The following SLC35F3 variants were observed in gnomAD, a reference collection of about 807,000 sequenced individuals.
SLC35F3 encodes the protein putative thiamine transporter SLC35F3.
In SLC35F3, 25 loss-of-function variants were observed where a neutral mutation model predicts 49.9. The observed-to-expected ratio is 0.50, with a 90% CI of 0.37 to 0.70. The LOEUF (loss-of-function observed/expected upper bound fraction) is 0.70, where lower values mean the gene tolerates loss of function less well. SLC35F3 is among the 30% of genes least tolerant of loss of function. The probability of loss-of-function intolerance (pLI) is 0.00; values close to 1 mark genes in which losing one functional copy is unlikely to be tolerated. For synonymous variants in SLC35F3, 275 were observed against 265.4 expected (o/e 1.04, Z -0.35); for missense variants, 525 against 639.8 (o/e 0.82, Z 1.94).
At chr1:234,259,220 T>C (rs753234474) in intron 3 of SLC35F3, among the ~76,000 whole-genome samples, 3 of 152,244 alleles carry the variant, frequency 2.0e-5, no homozygotes, top group African/African-American at 7.2e-5. Flanking sequence ...TCCTATTGTG[T>C]TAAATCTTCA....
In SLC35F3 at chr1:233,922,543, A is replaced by G. The variant is rs1020737897; in HGVS notation, c.283+16785A>G. ...TTTAAGTCCTTTGTAGATTCTGGAT[A>G]TTAGCCCTTTGTCAGATGGGTAGAT... On this transcript the variant is annotated intron_variant, in intron 2 of 7. Transcript: ENST00000366618. Among the ~76,000 whole-genome samples the G allele has an allele frequency of 1.0e-4, 12 of 115,574 alleles. No individual in the cohort carries two copies. In the Admixed American group the frequency reaches 1.3e-3, roughly 12 times the overall value. The allele number at this position is 115,574 out of a possible 152,430, so 75.8% of individuals were successfully genotyped here.
chr1:234,177,832 G>A (rs1372074337), intron 2 of SLC35F3, among the ~76,000 whole-genome samples: 1 of 152,184 alleles, frequency 6.6e-6, no homozygotes, highest in East Asian at 1.9e-4. Context: ...TTGACAAGCT[G>A]ACATCAAAAC....
intron 2 of SLC35F3, among the ~76,000 whole-genome samples, chr1:234,028,324 A>G (rs1403481030): frequency 6.6e-6 from 1 of 152,174 alleles, no homozygotes; most frequent in African/African-American, 2.4e-5. Context: ...CCATTAGGTG[A>G]TGATCTGGGG....
At chr1:234,114,848 CTTGAGATGCGGCGTGCAT>C (rs574875732) in intron 2 of SLC35F3, among the ~76,000 whole-genome samples, 9 of 152,058 alleles carry the variant, frequency 5.9e-5, no homozygotes, top group South Asian at 4.1e-4. Flanking sequence ...AACGGGTCAT[CTTGAGATGCGGCGTGCAT>C]TTGAGATGCG....
chr1:234,152,227 G>GTTA (rs61307533), intron 2 of SLC35F3, among the ~76,000 whole-genome samples: 10,613 of 144,518 alleles, frequency 0.073, 921 homozygotes, highest in African/African-American at 0.22. Context: ...TATTATTATT[G>GTTA]TTATTATTAT....
intron 2 of SLC35F3, among the ~76,000 whole-genome samples, chr1:234,134,749 T>C (rs1176448812): frequency 6.6e-6 from 1 of 152,100 alleles, no homozygotes; most frequent in African/African-American, 2.4e-5. Context: ...TTTGAGACAG[T>C]CTCGCTCTGT....
At chr1:234,267,316 T>G (rs925340646) in intron 3 of SLC35F3, among the ~76,000 whole-genome samples, 1 of 134,128 alleles carries the variant, frequency 7.5e-6, no homozygotes, top group Non-Finnish European at 1.6e-5. Flanking sequence ...ATTTCTCAAT[T>G]TTTTCCCCAC....
chr1:234,045,711 G>GTT (rs200387902), intron 2 of SLC35F3, among the ~76,000 whole-genome samples: 2 of 144,160 alleles, frequency 1.4e-5, no homozygotes, highest in African/African-American at 5.1e-5. Context: ...TCATTTTAAG[G>GTT]TTTTTTTTTT....
At chr1:234,030,652 A>G (rs1173980568) in intron 2 of SLC35F3, among the ~76,000 whole-genome samples, 1 of 152,248 alleles carries the variant, frequency 6.6e-6, no homozygotes, top group East Asian at 1.9e-4. Flanking sequence ...ATTAGGTTGG[A>G]TAGCATGAAA....
intron 2 of SLC35F3, among the ~76,000 whole-genome samples, chr1:234,065,689 T>C (rs1382360083): frequency 6.6e-6 from 1 of 152,244 alleles, no homozygotes; most frequent in Non-Finnish European, 1.5e-5. Context: ...AAACAGTATG[T>C]ATGACCTTTT....
intron 2 of SLC35F3, among the ~76,000 whole-genome samples, chr1:234,191,428 C>G (rs114883821): frequency 3.6e-4 from 55 of 152,174 alleles, no homozygotes; most frequent in Non-Finnish European, 6.8e-4. Flanking sequence ...ATCAAAACCT[C>G]TGGGATACAA....
intron 2 of SLC35F3, among the ~76,000 whole-genome samples, chr1:233,974,615 C>T (rs1350323113): frequency 6.6e-6 from 1 of 152,134 alleles, no homozygotes; most frequent in African/African-American, 2.4e-5. Context: ...TACTTTCTAC[C>T]CATTTGCTGT....
At position 234,214,508 on chromosome 1, in the gene SLC35F3, C is replaced by T; in HGVS notation, c.284-16909C>T. The T allele has an allele frequency of 1.3e-6, 2 of 1,542,290 alleles. No individual in the cohort carries two copies. Among genetic ancestry groups the T allele is most frequent in the Non-Finnish European group, 8.7e-7 (1 of 1,146,318 alleles). On this transcript the variant is annotated intron_variant, in intron 2 of 7. Transcript: ENST00000366618. The surrounding 1 kb of genome is among the most constrained non-coding windows in gnomAD (Gnocchi z 8.0). ...AGGCGGCCGGCTCATCATGAAGAAG[C>T]ACTCGGCCCGGGTGGCCCCGCTCAG...
chr1:234,202,656 G>T (rs1010482270), intron 2 of SLC35F3, among the ~76,000 whole-genome samples: 12 of 152,220 alleles, frequency 7.9e-5, no homozygotes, highest in African/African-American at 2.9e-4. Context: ...GGAGCCCTCC[G>T]CATTTCAAGC....
chr1:234,168,477 T>C (rs1038198882), intron 2 of SLC35F3, among the ~76,000 whole-genome samples: 10 of 152,360 alleles, frequency 6.6e-5, no homozygotes, highest in African/African-American at 2.4e-4. Context: ...GACCATCCTG[T>C]AAGTGTCATT....
intron 5 of SLC35F3, among the ~76,000 whole-genome samples, chr1:234,317,439 A>G (rs1657518806): frequency 6.6e-6 from 1 of 151,716 alleles, no homozygotes; most frequent in African/African-American, 2.4e-5. Flanking sequence ...CAGAGAATGC[A>G]AATATTTTCA....
At chr1:234,090,394 C>T (rs1665024673) in intron 2 of SLC35F3, among the ~76,000 whole-genome samples, 1 of 152,356 alleles carries the variant, frequency 6.6e-6, no homozygotes, top group South Asian at 2.1e-4. Context: ...TGCAGTGAGC[C>T]AATCACTGCA....
intron 2 of SLC35F3, among the ~76,000 whole-genome samples, chr1:234,152,227 G>GTTATTATTA (rs61307533): frequency 0.017 from 2,418 of 144,566 alleles, 61 homozygotes; most frequent in African/African-American, 0.06. Flanking sequence ...TATTATTATT[G>GTTATTATTA]TTATTATTAT....
chr1:234,081,473 G>C lies in SLC35F3; in HGVS notation c.284-149944G>C, dbSNP rs144852059. 3.4e-3 allele frequency among the ~76,000 whole-genome samples: 516 copies of C among 152,282 alleles called. 3 individuals carry two copies. The highest frequency in any genetic ancestry group is 0.012 in the African/African-American group (496 of 41,552). The stretch of plus-strand genomic sequence containing the variant: ...TCCTGTTTCCCAGAGTCAGGACCTG[G>C]GGGAGGGGCTACGGGAGGCAGGGGA... On this transcript the variant is annotated intron_variant, in intron 2 of 7. Coordinates refer to ENST00000366618, the MANE Select transcript of SLC35F3 (RefSeq NM_173508.4).
Sources: gnomAD v4.1 joint callset for allele counts (sites outside exome capture counted in the v4.1 genomes callset) on GRCh38, gnomAD v4.1.1 for gene constraint, Gnocchi (gnomAD v3.1) non-coding constraint, MANE v1.5 for transcripts, NCBI Gene and HGNC (gene_info 2026-07-23, HGNC 2026-07-21) for gene names.